SLC25A17: variants seen among roughly 807,000 people sequenced by gnomAD.
SLC25A17 encodes the protein peroxisomal membrane protein PMP34.
Under a neutral mutation model 38.5 loss-of-function variants are expected in SLC25A17, and 26 were observed. The observed-to-expected ratio is 0.68, with a 90% CI of 0.50 to 0.94. SLC25A17 has a LOEUF of 0.94. Ranked by LOEUF, SLC25A17 falls within the 40% of genes least tolerant of loss-of-function variation. The pLI is 0.00. For missense variants in SLC25A17, 333 were observed against 372.7 expected (o/e 0.89, Z 0.88); for synonymous variants, 139 against 136.2 (o/e 1.02, Z -0.14).
At chr22:40,818,898 G>A (rs1362835489) in intron 1 of SLC25A17, among the ~76,000 whole-genome samples, 1 of 152,076 alleles carries the variant, frequency 6.6e-6, no homozygotes, top group Non-Finnish European at 1.5e-5. Context: ...GTGTGCGGTG[G>A]TAGCCTGACC....
chr22:40,784,551 T>C (rs936997900), intron 4 of SLC25A17: 7 of 272,054 alleles, frequency 2.6e-5, no homozygotes, highest in African/African-American at 1.3e-4. Flanking sequence ...GGCAGAAGAA[T>C]CTCTTGAGGC....
chr22:40,798,943 CAAA>C (rs113368977), intron 2 of SLC25A17, 77 bp downstream of exon 2: 2,916 of 773,822 alleles, frequency 3.8e-3, no homozygotes, highest in South Asian at 5.1e-3. Context: ...AACTCCGTCT[CAAA>C]AAAAAAAAAA....
chr22:40,806,001 G>C (rs2057526638), intron 1 of SLC25A17, among the ~76,000 whole-genome samples: 1 of 152,236 alleles, frequency 6.6e-6, no homozygotes, highest in Non-Finnish European at 1.5e-5. Flanking sequence ...CAGACAGGCA[G>C]TACCAGTCCC....
Position 40,811,645 on chromosome 22 carries a change from G to A in SLC25A17, c.54+7550C>T, listed in dbSNP as rs117906035. Among the ~76,000 whole-genome samples the A allele has an allele frequency of 1.5e-3, 225 of 152,190 alleles. 7 individuals carry two copies. The East Asian group carries it at 0.034, about 23-fold the overall frequency. ...GTGGCTTATGATCATGGTGGAAGGT[G>A]AAAGGGGAACAGGTATGTCACATGG... On this transcript the variant is annotated intron_variant, in intron 1 of 8. Coordinates refer to ENST00000435456, the MANE Select transcript of SLC25A17 (RefSeq NM_006358.4).
intron 4 of SLC25A17, among the ~76,000 whole-genome samples, chr22:40,791,039 T>C (rs1314305298): frequency 1.3e-5 from 2 of 152,164 alleles, no homozygotes; most frequent in East Asian, 1.9e-4. Context: ...TGCAAAACTG[T>C]GCAAAGTGGG....
chr22:40,802,984 C>A (rs138309), intron 1 of SLC25A17, among the ~76,000 whole-genome samples: 99,368 of 152,056 alleles, frequency 0.65, 32,920 homozygotes, highest in Admixed American at 0.74. Flanking sequence ...GTAATTACCA[C>A]ACCCATTACT....
At chr22:40,797,767 T>A (rs117147580) in intron 2 of SLC25A17, among the ~76,000 whole-genome samples, 2 of 152,226 alleles carry the variant, frequency 1.3e-5, no homozygotes, top group Non-Finnish European at 2.9e-5. Context: ...TCAGAAATCA[T>A]TGATTAATTC....
At chr22:40,800,209 G>C (rs996018474) in intron 1 of SLC25A17, among the ~76,000 whole-genome samples, 2 of 152,038 alleles carry the variant, frequency 1.3e-5, no homozygotes, top group Non-Finnish European at 2.9e-5. Context: ...CAAACAACAA[G>C]TTTTTCCACT....
At chr22:40,817,859 G>A (rs2057658283) in intron 1 of SLC25A17, among the ~76,000 whole-genome samples, 1 of 152,118 alleles carries the variant, frequency 6.6e-6, no homozygotes. Context: ...GGAAACACAG[G>A]CCTCCATGCC....
intron 1 of SLC25A17, among the ~76,000 whole-genome samples, chr22:40,818,655 G>C (rs944916654): frequency 1.3e-5 from 2 of 149,448 alleles, no homozygotes; most frequent in African/African-American, 5.0e-5. Context: ...GCAGTGAGTC[G>C]TGATCGCGCC....
intron 8 of SLC25A17, among the ~76,000 whole-genome samples, chr22:40,773,447 C>A (rs951198364): frequency 6.7e-6 from 1 of 150,220 alleles, no homozygotes; most frequent in African/African-American, 2.5e-5. Flanking sequence ...TTGAGATTAC[C>A]TATGTGTAGC....
At chr22:40,787,233 A>T (rs2057346249) in intron 4 of SLC25A17, among the ~76,000 whole-genome samples, 1 of 152,206 alleles carries the variant, frequency 6.6e-6, no homozygotes, top group African/African-American at 2.4e-5. Flanking sequence ...CTGTTGTCAG[A>T]CAGACCACAG....
chr22:40,781,175 AAAAAAAG>A (rs2057290857), intron 4 of SLC25A17, among the ~76,000 whole-genome samples: 1 of 151,974 alleles, frequency 6.6e-6, no homozygotes, highest in African/African-American at 2.4e-5. Flanking sequence ...TTTTCTTATT[AAAAAAAG>A]AAAAAAGAAA....
chr22:40,819,224 T>C lies in SLC25A17; in HGVS notation c.25A>G (p.Ser9Gly). MASVLSYE[S>G]LVHAVAGAVG... Reference sequence around the variant, plus strand: ...GCTCCGGCCACGGCGTGGACCAGGCTTTCGTAGGACAGCACGGAAGCCATT... The same window carrying C: ...GCTCCGGCCACGGCGTGGACCAGGCCTTCGTAGGACAGCACGGAAGCCATT... The change falls in exon 1 of 9, where the codon AGC (serine) becomes GGC (glycine). Residue 9 changes from serine to glycine, a missense_variant. Physicochemically the swap from Ser to Gly is moderately conservative, Grantham distance 56 (BLOSUM62 0). Coordinates refer to ENST00000435456, the MANE Select transcript of SLC25A17 (RefSeq NM_006358.4). 1 of 1,613,610 alleles carries C rather than the reference T, an allele frequency of 6.2e-7. No homozygotes were observed. The highest frequency in any genetic ancestry group is 8.5e-7 in the Non-Finnish European group (1 of 1,179,988).
At chr22:40,786,425 G>A (rs1232255250) in intron 4 of SLC25A17, among the ~76,000 whole-genome samples, 1 of 152,160 alleles carries the variant, frequency 6.6e-6, no homozygotes, top group Non-Finnish European at 1.5e-5. Flanking sequence ...ATATCTTAGG[G>A]GAAGTGGATC....
intron 4 of SLC25A17, among the ~76,000 whole-genome samples, chr22:40,785,325 A>T (rs1231387583): frequency 6.6e-6 from 1 of 152,260 alleles, no homozygotes; most frequent in Admixed American, 6.5e-5. Flanking sequence ...CGGAGGTTGC[A>T]GTGAGCGGAG....
At chr22:40,782,135 G>A (rs943521649) in intron 4 of SLC25A17, among the ~76,000 whole-genome samples, 3 of 152,102 alleles carry the variant, frequency 2.0e-5, no homozygotes, top group South Asian at 4.2e-4. Flanking sequence ...AAGGAGAATC[G>A]CTTGAACCCA....
chr22:40,805,254 G>C (rs986068645), intron 1 of SLC25A17, among the ~76,000 whole-genome samples: 5 of 152,210 alleles, frequency 3.3e-5, no homozygotes, highest in Admixed American at 6.5e-5. Context: ...AGAATCGCTT[G>C]AACCTGGGAG....
intron 1 of SLC25A17, among the ~76,000 whole-genome samples, chr22:40,804,277 C>T (rs2057509960): frequency 6.6e-6 from 1 of 152,166 alleles, no homozygotes; most frequent in Admixed American, 6.5e-5. Flanking sequence ...CATCTACGCA[C>T]CCAAGCCCAG....
Sources: gnomAD v4.1 joint callset for allele counts (sites outside exome capture counted in the v4.1 genomes callset) on GRCh38, gnomAD v4.1.1 for gene constraint, MANE v1.5 for transcripts, NCBI Gene and HGNC (gene_info 2026-07-23, HGNC 2026-07-21) for gene names.